RBFOX1: variants seen among roughly 807,000 people sequenced by gnomAD.
The protein encoded by RBFOX1 is RNA binding protein fox-1 homolog 1.
A neutral mutation model predicts 57.7 loss-of-function variants in RBFOX1; 8 were observed. That is an observed-to-expected ratio of 0.14 (90% CI 0.08 to 0.25). The LOEUF (loss-of-function observed/expected upper bound fraction) is 0.25, where lower values mean the gene tolerates loss of function less well. Ranked by LOEUF, RBFOX1 falls within the 10% of genes least tolerant of loss-of-function variation. RBFOX1 has a pLI of 1.00. For missense variants in RBFOX1, 611 were observed against 548.5 expected, an observed-to-expected ratio of 1.11 and a Z score of -1.14; for synonymous variants, 326 against 222.4, an observed-to-expected ratio of 1.47 and a Z score of -4.15.
At chr16:7,260,858 C>T (rs1161776569) in intron 4 of RBFOX1, among the ~76,000 whole-genome samples, 1 of 152,072 alleles carries the variant, frequency 6.6e-6, no homozygotes, top group African/African-American at 2.4e-5. Flanking sequence ...TTAGGGAACC[C>T]CTATCTAATT....
intron 3 of RBFOX1, among the ~76,000 whole-genome samples, chr16:6,656,916 CCCTCTCCTCT>C (rs1395599334): frequency 9.0e-6 from 1 of 111,174 alleles, no homozygotes; most frequent in African/African-American, 3.8e-5. Context: ...TCCTCTCCTC[CCCTCTCCTCT>C]CCTCCCCTCT....
intron 5 of RBFOX1, among the ~76,000 whole-genome samples, chr16:7,538,224 C>T (rs1295724483): frequency 6.6e-6 from 1 of 152,166 alleles, no homozygotes; most frequent in Non-Finnish European, 1.5e-5. Context: ...GCCTGGGCTT[C>T]ACTTGAATGG....
At chr16:6,238,690 T>G (rs964857974) in intron 1 of RBFOX1, among the ~76,000 whole-genome samples, 3 of 152,238 alleles carry the variant, frequency 2.0e-5, no homozygotes, top group African/African-American at 7.2e-5. Flanking sequence ...GCTTTTTTTA[T>G]TCTCTGGTTT....
At chr16:7,130,384 A>G (rs992770058) in intron 4 of RBFOX1, among the ~76,000 whole-genome samples, 2 of 152,132 alleles carry the variant, frequency 1.3e-5, no homozygotes, top group Admixed American at 6.5e-5. Context: ...GTGTTTGTCC[A>G]TTGTGCTCTG....
chr16:7,149,866 A>C (rs2075781629), intron 4 of RBFOX1, among the ~76,000 whole-genome samples: 1 of 152,162 alleles, frequency 6.6e-6, no homozygotes, highest in African/African-American at 2.4e-5. Flanking sequence ...TCCTTAATGT[A>C]GCCCTTTCTA....
rs78756111 is a variant in RBFOX1, at chr16:6,389,982, A to G, written c.-64+72925A>G. Among the ~76,000 whole-genome samples the G allele has an allele frequency of 3.3e-4, 51 of 152,302 alleles. No homozygotes were observed. In the East Asian group the frequency reaches 8.7e-3, roughly 26 times the overall value. ...TCCAGGAGTGAATGACTTGTAAGCC[A>G]TTAGGAAGGCCGGGGAAACTGTGTT... On this transcript the variant is annotated intron_variant, in intron 2 of 15. Transcript: ENST00000550418.
chr16:6,136,705 T>C (rs1027768298), intron 1 of RBFOX1, among the ~76,000 whole-genome samples: 1 of 152,158 alleles, frequency 6.6e-6, no homozygotes, highest in African/African-American at 2.4e-5. Context: ...AGGAAGCATT[T>C]CTCTTCAAAA....
chr16:6,873,906 C>G (rs1348196566), intron 3 of RBFOX1: 1 of 152,196 alleles, frequency 6.6e-6, no homozygotes, highest in African/African-American at 2.4e-5. Context: ...CCATTGCTCA[C>G]TTTGGCAGCA....
At position 7,599,638 on chromosome 16, in the gene RBFOX1, C is replaced by CTTTTTTTTTT. The variant is rs542898195; in HGVS notation, c.622+2210_622+2219dup. 2.4e-4 allele frequency among the ~76,000 whole-genome samples: 15 copies of CTTTTTTTTTT among 62,804 alleles called. 5 individuals are homozygous for CTTTTTTTTTT. The highest frequency in any genetic ancestry group is 6.2e-4 in the East Asian group (2 of 3,210). 41.2% of individuals were successfully genotyped at this position (62,804 alleles called of 152,430 possible). A position where few individuals can be genotyped will look rare whatever the true frequency, so the allele number is the denominator to read the frequency against. ...GAGAAGATGAAGAAATTAATAAAGA[C>CTTTTTTTTTT]TTTTTTTTTTTTCTTTTTTTTTTTT... On this transcript the variant is annotated intron_variant, in intron 9 of 15. Coordinates refer to ENST00000550418, the MANE Select transcript of RBFOX1 (RefSeq NM_018723.4).
intron 3 of RBFOX1, among the ~76,000 whole-genome samples, chr16:7,010,113 T>C (rs534783282): frequency 6.6e-6 from 1 of 152,198 alleles, no homozygotes; most frequent in Non-Finnish European, 1.5e-5. Flanking sequence ...GGGCATGAAC[T>C]CTATTCTTTG....
At chr16:5,764,655 A>C (rs1481690336) in intron 3 of RBFOX1, among the ~76,000 whole-genome samples, 1 of 152,148 alleles carries the variant, frequency 6.6e-6, no homozygotes, top group Non-Finnish European at 1.5e-5. Flanking sequence ...AGAGGCAATT[A>C]TCAGTAAACC....
intron 14 of RBFOX1, among the ~76,000 whole-genome samples, chr16:7,688,260 T>TGTGTGTGTGTGTGAGAGAGAGA (rs1319185243): frequency 8.0e-6 from 1 of 125,296 alleles, no homozygotes; most frequent in African/African-American, 3.0e-5. Context: ...TGTGTGTGTG[T>TGTGTGTGTGTGTGAGAGAGAGA]GAGAGAGAGA....
In RBFOX1 at chr16:7,192,330, A is replaced by T. The variant is rs187516760; in HGVS notation, c.27+140232A>T. ...ATGTCATATTCAGTGGAGAGGTTCC[A>T]TCTAAGAGAGTTGGGGTGAGAAATT... On this transcript the variant is annotated intron_variant, in intron 4 of 15. Coordinates refer to ENST00000550418, the MANE Select transcript of RBFOX1 (RefSeq NM_018723.4). 3.4e-3 allele frequency among the ~76,000 whole-genome samples: 525 copies of T among 152,298 alleles called. 5 individuals carry two copies. Among genetic ancestry groups the T allele is most frequent in the African/African-American group, 0.012 (495 of 41,562 alleles).
At chr16:6,674,480 C>T (rs1032463693) in intron 3 of RBFOX1, among the ~76,000 whole-genome samples, 3 of 152,056 alleles carry the variant, frequency 2.0e-5, no homozygotes, top group African/African-American at 4.8e-5. Flanking sequence ...TGTCACCATG[C>T]CCGGCTAATT....
chr16:6,846,466 T>C (rs950748368), intron 3 of RBFOX1, among the ~76,000 whole-genome samples: 1 of 151,962 alleles, frequency 6.6e-6, no homozygotes, highest in African/African-American at 2.4e-5. Flanking sequence ...GACACCTGGG[T>C]CATAATGAGG....
At chr16:6,635,342 A>G (rs2098423000) in intron 2 of RBFOX1, among the ~76,000 whole-genome samples, 1 of 152,124 alleles carries the variant, frequency 6.6e-6, no homozygotes, top group South Asian at 2.1e-4. Context: ...ATTGTATAAA[A>G]TGCCCTGTAA....
intron 3 of RBFOX1, among the ~76,000 whole-genome samples, chr16:6,995,803 G>C (rs1483408137): frequency 1.3e-5 from 2 of 152,108 alleles, no homozygotes; most frequent in Non-Finnish European, 2.9e-5. Flanking sequence ...AAGGCTTTGA[G>C]GTAAAAGCTA....
intron 4 of RBFOX1, among the ~76,000 whole-genome samples, chr16:5,937,531 T>C (rs888870945): frequency 6.6e-6 from 1 of 151,978 alleles, no homozygotes; most frequent in Admixed American, 6.6e-5. Context: ...ATATGATATA[T>C]AGTTACATAT....
At chr16:7,287,010 C>T (rs183429876) in intron 4 of RBFOX1, among the ~76,000 whole-genome samples, 3 of 152,236 alleles carry the variant, frequency 2.0e-5, no homozygotes, top group Non-Finnish European at 4.4e-5. Flanking sequence ...TGAACATGAA[C>T]GCAGGCAATG....
Sources: allele counts gnomAD v4.1 joint callset (sites outside exome capture counted in the v4.1 genomes callset), GRCh38; gene constraint gnomAD v4.1.1; transcripts MANE v1.5; gene names NCBI Gene and HGNC (gene_info 2026-07-23, HGNC 2026-07-21).